MAST1: variants seen among roughly 807,000 people sequenced by gnomAD.
MAST1 encodes microtubule associated serine/threonine kinase 1.
Under a neutral mutation model 124.6 loss-of-function variants are expected in MAST1, and 40 were observed. That is an observed-to-expected ratio of 0.32 (90% CI 0.25 to 0.42). The LOEUF is 0.42. Ranked by LOEUF, MAST1 falls within the 10% of genes least tolerant of loss-of-function variation. MAST1 has a pLI of 1.00. For synonymous variants in MAST1, 938 were observed against 939.4 expected (o/e 1.00, Z 0.03); for missense variants, 1,558 against 2,181.9 (o/e 0.71, Z 5.70).
intron 10 of MAST1, among the ~76,000 whole-genome samples, chr19:12,855,607 A>G (rs932470558): frequency 6.6e-6 from 1 of 152,164 alleles, no homozygotes; most frequent in Non-Finnish European, 1.5e-5. Context: ...TTAAGTTTGT[A>G]ATCTTTATTT....
rs1469658420 is a variant in MAST1 at position 12,874,193 on chromosome 19, C to T, written c.4036C>T (p.Leu1346=). The part of the protein sequence containing the change: ...SPLSLGADPL[L]PEGASRPPVS... ...TTTGAGCCTGGGCGCGGACCCGTTG[C>T]TGCCCGAGGGTGCCTCCAGGCCACC... Residue 1346 remains leucine, a synonymous_variant, in exon 26 of 26, where the codon CTG becomes TTG. Coordinates refer to ENST00000251472, the MANE Select transcript of MAST1 (RefSeq NM_014975.3). The surrounding 1 kb of genome is among the most constrained non-coding windows in gnomAD (Gnocchi z 6.6). 6.5e-7 allele frequency: 1 copy of T among 1,542,742 alleles called. No individual in the cohort carries two copies. The highest frequency in any genetic ancestry group is 8.7e-7 in the Non-Finnish European group (1 of 1,147,040).
In MAST1 at chr19:12,866,880, G is replaced by A. The variant is rs1012401151; in HGVS notation, c.2139+118G>A. ...CTCAGGAGCGGGAAGTTATTGATGGGGCGGGAGTCTGGAAGGTGGTAAGGC... is the reference window on the plus strand; with the variant it reads ...CTCAGGAGCGGGAAGTTATTGATGGAGCGGGAGTCTGGAAGGTGGTAAGGC... On this transcript the variant is annotated intron_variant, in intron 18 of 25. Coordinates refer to ENST00000251472, the MANE Select transcript of MAST1 (RefSeq NM_014975.3). The surrounding 1 kb of genome is among the most constrained non-coding windows in gnomAD (Gnocchi z 5.2). The A allele has an allele frequency of 1.2e-6, 1 of 845,290 alleles. No individual in the cohort carries two copies. Among genetic ancestry groups the A allele is most frequent in the Admixed American group, 2.2e-5 (1 of 46,190 alleles). The allele number at this position is 845,290 out of a possible 1,614,324, so 52.4% of individuals were successfully genotyped here.
At chr19:12,846,445 C>G (rs1419212256) in intron 4 of MAST1, among the ~76,000 whole-genome samples, 1 of 151,934 alleles carries the variant, frequency 6.6e-6, no homozygotes, top group Non-Finnish European at 1.5e-5. Context: ...CAGAGGAGGT[C>G]TTCCCGAGGG....
chr19:12,863,550 C>A (rs148092207), intron 12 of MAST1, among the ~76,000 whole-genome samples: 1 of 152,328 alleles, frequency 6.6e-6, no homozygotes, highest in Admixed American at 6.5e-5. Context: ...TCTCTTGGCT[C>A]TGTACTCCCA....
In MAST1 at chr19:12,858,370, C is replaced by T; in HGVS notation, c.1086C>T (p.Ser362=). Reference sequence around the variant, plus strand: ...CCATCTTTTTCCTGAAGGGCCGCAGCAGCAAGGCCAAGAAACCGCCGGGGG... The same window carrying T: ...CCATCTTTTTCCTGAAGGGCCGCAGTAGCAAGGCCAAGAAACCGCCGGGGG... The part of the protein sequence containing the change: ...PEQDDLSEGR[S]SKAKKPPGEN... The change falls in exon 11 of 26, where the codon AGC becomes AGT. Residue 362 remains serine, a synonymous_variant. Transcript: ENST00000251472. 6.2e-7 allele frequency: 1 copy of T among 1,613,786 alleles called. No homozygotes were observed.
Position 12,874,653 on chromosome 19 carries a change from C to T in MAST1, c.4496C>T (p.Ala1499Val), listed in dbSNP as rs1368457797. ...TTLSGPRSKPASPKLSPEPQT... is the reference protein window; with the variant it reads ...TTLSGPRSKPVSPKLSPEPQT... The stretch of plus-strand genomic sequence containing the variant: ...CTGAGCGGTCCTCGCTCCAAGCCCG[C>T]CTCCCCAAAGCTCTCCCCGGAGCCC... The change falls in exon 26 of 26, where the codon GCC becomes GTC. Residue 1499 changes from alanine (A) to valine (V), a missense_variant. By Grantham distance (64) the Ala-to-Val change is moderately conservative (BLOSUM62 0). Around this residue, in one of 10 missense-constraint regions of MAST1, gnomAD observed 168 missense variants for 154.3 expected, o/e 1.09. Transcript: ENST00000251472. This position sits in a 1 kb window ranked among gnomAD's most constrained non-coding sequence, Gnocchi z 6.6. The T allele has an allele frequency of 2.6e-6, 4 of 1,529,956 alleles. No homozygotes were observed. In the African/African-American group the frequency reaches 5.5e-5, roughly 21 times the overall value. The allele number at this position is 1,529,956 out of a possible 1,614,324, so 94.8% of individuals were successfully genotyped here.
In MAST1 at chr19:12,873,983, G is replaced by T; in HGVS notation, c.3826G>T (p.Ala1276Ser). Residue 1276 changes from alanine (A) to serine (S), a missense_variant, in exon 26 of 26, where the codon GCG (alanine) becomes TCG (serine). By Grantham distance (99) the Ala-to-Ser change is moderately conservative. Around this residue, in one of 10 missense-constraint regions of MAST1, gnomAD observed 263 missense variants for 310.9 expected, o/e 0.85. Coordinates refer to ENST00000251472, the MANE Select transcript of MAST1 (RefSeq NM_014975.3). The part of the protein sequence containing the change: ...SAEKLGASLS[A>S]DKKGALRKHS... The stretch of plus-strand genomic sequence containing the variant: ...CGAGAAGCTGGGAGCCTCTTTGAGT[G>T]CGGACAAGAAGGGCGCGCTGCGCAA... 2 of 1,602,446 alleles carry T rather than the reference G, an allele frequency of 1.2e-6. No individual in the cohort carries two copies.
In MAST1 at chr19:12,868,103, A is replaced by ATTTTTTTTTTTTTTTTTTTTTTT. The variant is rs34988246; in HGVS notation, c.2566+127_2566+149dup. 77 of 322,274 alleles carry ATTTTTTTTTTTTTTTTTTTTTTT rather than the reference A, an allele frequency of 2.4e-4. 8 individuals are homozygous for ATTTTTTTTTTTTTTTTTTTTTTT. The highest frequency in any genetic ancestry group is 7.6e-4 in the Admixed American group (9 of 11,920). 20.0% of individuals were successfully genotyped at this position (322,274 alleles called of 1,614,324 possible). On this transcript the variant is annotated intron_variant, in intron 20 of 25. Coordinates refer to ENST00000251472, the MANE Select transcript of MAST1 (RefSeq NM_014975.3). Reference sequence around the variant, plus strand: ...GGTCCTATTCACATTGCAATTTGGGATTTTTTTTTTTTTTTTTTTTTTTGA... The same window carrying ATTTTTTTTTTTTTTTTTTTTTTT: ...GGTCCTATTCACATTGCAATTTGGGATTTTTTTTTTTTTTTTTTTTTTTTTTTTTTTTTTTTTTTTTTTTTTGA...
At chr19:12,846,601 G>C (rs1171881518) in intron 4 of MAST1, among the ~76,000 whole-genome samples, 1 of 152,096 alleles carries the variant, frequency 6.6e-6, no homozygotes. Context: ...ACTAGGCTGG[G>C]TGCGGTGGCT....
In MAST1 at chr19:12,865,199, G is replaced by A. The variant is rs772092190; in HGVS notation, c.1638+21G>A. 1.1e-5 allele frequency: 18 copies of A among 1,611,102 alleles called. No homozygotes were observed. Among genetic ancestry groups the A allele is most frequent in the Non-Finnish European group, 1.4e-5 (17 of 1,178,386 alleles). On this transcript the variant is annotated intron_variant, in intron 14 of 25. Transcript: ENST00000251472. This position sits in a 1 kb window ranked among gnomAD's most constrained non-coding sequence, Gnocchi z 7.1. ...AACAGGTGTGTGTGCGGGCATGGGGGTCGCTGAGGGTGGAGTGACCCTGCA... is the reference window on the plus strand; with the variant it reads ...AACAGGTGTGTGTGCGGGCATGGGGATCGCTGAGGGTGGAGTGACCCTGCA...
At position 12,874,521 on chromosome 19, in the gene MAST1, C is replaced by A; in HGVS notation, c.4364C>A (p.Ala1455Glu). The change falls in exon 26 of 26, where the codon GCG (alanine) becomes GAG (glutamate). Residue 1455 changes from alanine to glutamate, a missense_variant. By Grantham distance (107) the Ala-to-Glu change is moderately radical (BLOSUM62 -1). This residue lies in a region of MAST1 where 263 missense variants were observed against 310.9 expected (regional missense o/e 0.85). Transcript: ENST00000251472. The surrounding 1 kb of genome is among the most constrained non-coding windows in gnomAD (Gnocchi z 6.6). ...GCTGTGGTGCCTCAGCCTCTGGGCG[C>A]GGACTCCAAGGGGTTGCAGGAACCC... ...AKAVVPQPLG[A>E]DSKGLQEPAP... is the part of the protein sequence containing the mutation. The A allele has an allele frequency of 1.3e-6, 2 of 1,535,584 alleles. No homozygotes were observed. The highest frequency in any genetic ancestry group is 1.7e-6 in the Non-Finnish European group (2 of 1,144,082).
At chr19:12,868,102 GATTTT>G in intron 20 of MAST1, 125 bp downstream of exon 20, 1 of 539,198 alleles carries the variant, frequency 1.9e-6, no homozygotes, top group African/African-American at 3.3e-5. Flanking sequence ...TGCAATTTGG[GATTTT>G]TTTTTTTTTT....
chr19:12,860,276 G>A (rs367927932), intron 12 of MAST1, among the ~76,000 whole-genome samples: 2 of 151,486 alleles, frequency 1.3e-5, no homozygotes, highest in Non-Finnish European at 2.9e-5. Flanking sequence ...CACCATGCCC[G>A]ACTAATTTTT....
intron 10 of MAST1, among the ~76,000 whole-genome samples, chr19:12,853,191 A>C (rs1969983372): frequency 6.6e-6 from 1 of 151,662 alleles, no homozygotes; most frequent in South Asian, 2.1e-4. Flanking sequence ...GGCTGGTTGC[A>C]AACTCCCAAT....
chr19:12,867,420 C>A (rs1970168757), intron 18 of MAST1, 54 bp from the exon 19 acceptor site: 1 of 1,602,632 alleles, frequency 6.2e-7, no homozygotes, highest in Non-Finnish European at 8.5e-7. Context: ...AGCTGATTAG[C>A]TCCGGAGTGA....
intron 12 of MAST1, among the ~76,000 whole-genome samples, chr19:12,861,396 G>GA (rs1970081071): frequency 2.0e-5 from 3 of 152,178 alleles, no homozygotes. Flanking sequence ...TGAGGTCCAT[G>GA]AGGCTGGAGG....
In MAST1 at chr19:12,874,228, C is replaced by T. The variant is rs1021681360; in HGVS notation, c.4071C>T (p.Ser1357=). ...PEGASRPPVS[S]KEKESPGGAE... ...GTGCCTCCAGGCCACCAGTGTCGAG[C>T]AAGGAGAAGGAATCCCCGGGGGGCG... The change falls in exon 26 of 26, where the codon AGC becomes AGT. Residue 1357 remains serine (S), a synonymous_variant. Transcript: ENST00000251472. This position sits in a 1 kb window ranked among gnomAD's most constrained non-coding sequence, Gnocchi z 6.6. The T allele has an allele frequency of 5.2e-6, 8 of 1,550,728 alleles. 1 individual carries two copies. In the African/African-American group the frequency reaches 1.1e-4, roughly 21 times the overall value.
At chr19:12,862,056 G>T (rs569579077) in intron 12 of MAST1, among the ~76,000 whole-genome samples, 1 of 149,258 alleles carries the variant, frequency 6.7e-6, no homozygotes, top group East Asian at 2.0e-4. Flanking sequence ...CCAGGCTAGA[G>T]TGCAATGGGG....
At position 12,858,692 on chromosome 19, in the gene MAST1, C is replaced by G. The variant is rs924446281; in HGVS notation, c.1319C>G (p.Ser440Cys). ...CCGTTTGTGGTCGGCATGTTCTGCT[C>G]CTTTGAGACTCGGCGCCACCTCTGC... ...ENPFVVGMFC[S>C]FETRRHLCMV... Residue 440 changes from serine to cysteine, a missense_variant, in exon 12 of 26, where the codon TCC (serine) becomes TGC (cysteine). By Grantham distance (112) the Ser-to-Cys change is moderately radical. This residue lies in a region of MAST1 where 145 missense variants were observed against 350.0 expected (regional missense o/e 0.41). Transcript: ENST00000251472. 1 of 1,614,124 alleles carries G rather than the reference C, an allele frequency of 6.2e-7. No individual in the cohort carries two copies. The highest frequency in any genetic ancestry group is 1.3e-5 in the African/African-American group (1 of 74,940).
Sources: allele counts gnomAD v4.1 joint callset (sites outside exome capture counted in the v4.1 genomes callset), GRCh38; gene constraint gnomAD v4.1.1; regional missense constraint gnomAD v4.1.1; non-coding constraint Gnocchi (gnomAD v3.1); transcripts MANE v1.5; gene names NCBI Gene and HGNC (gene_info 2026-07-23, HGNC 2026-07-21).